The following MARCHF5 variants were observed in gnomAD, a reference collection of about 807,000 sequenced individuals.
The protein encoded by MARCHF5 is membrane associated ring-CH-type finger 5, also known as E3 ubiquitin-protein ligase MARCHF5.
Under a neutral mutation model 36.5 loss-of-function variants are expected in MARCHF5, and 5 were observed. The observed-to-expected ratio is 0.14, with a 90% confidence interval of 0.07 to 0.29. The LOEUF (loss-of-function observed/expected upper bound fraction) is 0.29. Among genes scored for constraint, MARCHF5 ranks in the 10% least tolerant of loss-of-function variants. MARCHF5 has a pLI of 1.00. For synonymous variants in MARCHF5, 103 were observed against 109.9 expected, an observed-to-expected ratio of 0.94 and a Z score of 0.39; for missense variants, 179 against 336.3, an observed-to-expected ratio of 0.53 and a Z score of 3.66.
intron 2 of MARCHF5, among the ~76,000 whole-genome samples, chr10:92,328,229 T>A (rs1843389815): frequency 6.7e-6 from 1 of 150,314 alleles, no homozygotes; most frequent in East Asian, 2.1e-4. Context: ...CAGAATCTTA[T>A]CCAAGATACC....
intron 2 of MARCHF5, 124 bp from the exon 3 acceptor site, chr10:92,340,549 A>G: frequency 1.1e-6 from 1 of 879,190 alleles, no homozygotes; most frequent in Non-Finnish European, 1.7e-6. Flanking sequence ...TATAATCTGG[A>G]TGACAAAGTG....
intron 1 of MARCHF5, among the ~76,000 whole-genome samples, chr10:92,295,152 T>C (rs1842932602): frequency 6.6e-6 from 1 of 152,112 alleles, no homozygotes; most frequent in East Asian, 1.9e-4. Context: ...TGGTATATAG[T>C]GGTGAATTGA....
At chr10:92,322,682 C>T (rs985152072) in intron 2 of MARCHF5, among the ~76,000 whole-genome samples, 2 of 150,610 alleles carry the variant, frequency 1.3e-5, no homozygotes, top group African/African-American at 4.9e-5. Flanking sequence ...CTCCTGAGCT[C>T]AAGTAATCAG....
intron 5 of MARCHF5, 97 bp from the exon 6 acceptor site, chr10:92,350,994 C>A: frequency 1.5e-6 from 1 of 683,198 alleles, no homozygotes. Context: ...AGTTTAGCAT[C>A]AAAGCCTACG....
chr10:92,344,931 C>G (rs1843623681), intron 3 of MARCHF5, among the ~76,000 whole-genome samples: 1 of 152,012 alleles, frequency 6.6e-6, no homozygotes, highest in African/African-American at 2.4e-5. Flanking sequence ...ATAAATTATT[C>G]CTAGTTTACT....
chr10:92,300,891 CTTTTT>C (rs370507190), intron 1 of MARCHF5, among the ~76,000 whole-genome samples: 1 of 127,756 alleles, frequency 7.8e-6, no homozygotes. Context: ...CCTCCTAATT[CTTTTT>C]TTTTTTTTTT....
intron 2 of MARCHF5, among the ~76,000 whole-genome samples, chr10:92,338,063 A>G (rs1843526342): frequency 6.6e-6 from 1 of 151,806 alleles, no homozygotes; most frequent in Non-Finnish European, 1.5e-5. Flanking sequence ...GGTGGCGCAC[A>G]TCTGTGGTCC....
At chr10:92,323,304 G>C (rs919906772) in intron 2 of MARCHF5, among the ~76,000 whole-genome samples, 9 of 152,104 alleles carry the variant, frequency 5.9e-5, no homozygotes, top group Admixed American at 2.0e-4. Flanking sequence ...CACACACACA[G>C]AGTGCTGACT....
At chr10:92,310,038 T>C (rs1304814122) in intron 1 of MARCHF5, among the ~76,000 whole-genome samples, 1 of 152,130 alleles carries the variant, frequency 6.6e-6, no homozygotes, top group African/African-American at 2.4e-5. Context: ...TCAGTTCAAC[T>C]TTTTTTCTGT....
intron 2 of MARCHF5, among the ~76,000 whole-genome samples, chr10:92,339,038 C>CT (rs1273042495): frequency 8.7e-6 from 1 of 115,592 alleles, no homozygotes; most frequent in Non-Finnish European, 1.8e-5. Context: ...AAGCAAAACT[C>CT]TGTCTCAAAA....
At chr10:92,336,941 G>T (rs1413315375) in intron 2 of MARCHF5, among the ~76,000 whole-genome samples, 1 of 151,994 alleles carries the variant, frequency 6.6e-6, no homozygotes, top group Non-Finnish European at 1.5e-5. Context: ...TAGGCAACGT[G>T]GCAAAACCTC....
chr10:92,323,950 T>C (rs562830163), intron 2 of MARCHF5, among the ~76,000 whole-genome samples: 33 of 152,332 alleles, frequency 2.2e-4, no homozygotes, highest in African/African-American at 7.5e-4. Context: ...ATGATACAAG[T>C]ATGTTTAGTT....
chr10:92,340,078 G>A (rs1282650072), intron 2 of MARCHF5, among the ~76,000 whole-genome samples: 1 of 152,170 alleles, frequency 6.6e-6, no homozygotes, highest in Non-Finnish European at 1.5e-5. Context: ...AGTGAGTGAA[G>A]TCAGAGAAAT....
intron 2 of MARCHF5, among the ~76,000 whole-genome samples, chr10:92,333,911 CG>C (rs1483485502): frequency 2.0e-5 from 3 of 151,970 alleles, no homozygotes; most frequent in Non-Finnish European, 4.4e-5. Context: ...ATTTGAGGGC[CG>C]GGTGCAGTGC....
chr10:92,349,577 T>C, intron 4 of MARCHF5, 45 bp downstream of exon 4: 1 of 1,598,152 alleles, frequency 6.3e-7, no homozygotes. Context: ...CAAATTGATC[T>C]TGAAGAACAA....
In MARCHF5 at chr10:92,291,472, C is replaced by A. The variant is rs1223561362; in HGVS notation, c.-23C>A. 1 of 1,542,304 alleles carries A rather than the reference C, an allele frequency of 6.5e-7. No individual in the cohort carries two copies. The highest frequency in any genetic ancestry group is 2.0e-5 in the Admixed American group (1 of 50,960). On this transcript the variant is annotated 5_prime_UTR_variant, in exon 1 of 6. Coordinates refer to ENST00000358935, the MANE Select transcript of MARCHF5 (RefSeq NM_017824.5). ...CTTGAGCGGGTCCACTGGGGAAGGC[C>A]GTGTGCGCCGGCTCCGCGGAAGATG...
At chr10:92,329,524 GT>G (rs1350408920) in intron 2 of MARCHF5, among the ~76,000 whole-genome samples, 3 of 152,074 alleles carry the variant, frequency 2.0e-5, no homozygotes, top group Non-Finnish European at 4.4e-5. Context: ...ACTCCCCATT[GT>G]TTTTCCTCTA....
chr10:92,313,621 G>A (rs1446869753), intron 2 of MARCHF5, among the ~76,000 whole-genome samples: 1 of 151,856 alleles, frequency 6.6e-6, no homozygotes, highest in Non-Finnish European at 1.5e-5. Context: ...AAAAATTGTG[G>A]CGGGTCACAG....
Position 92,353,408 on chromosome 10 carries a change from G to T in MARCHF5, c.*2201G>T, listed in dbSNP as rs961215883. 1.3e-5 allele frequency: 2 copies of T among 152,120 alleles called. No homozygotes were observed. Among genetic ancestry groups the T allele is most frequent in the Admixed American group, 6.6e-5 (1 of 15,256 alleles). The allele number at this position is 152,120 out of a possible 1,614,324, so 9.4% of individuals were successfully genotyped here. ...TAAAGGATTTGACTTTCTCTCAACT[G>T]CAGTTTTCTTAATCTTTGAAATGCA... On this transcript the variant is annotated 3_prime_UTR_variant, in exon 6 of 6. Coordinates refer to ENST00000358935, the MANE Select transcript of MARCHF5 (RefSeq NM_017824.5).
Sources: allele counts gnomAD v4.1 joint callset (sites outside exome capture counted in the v4.1 genomes callset), GRCh38; gene constraint gnomAD v4.1.1; transcripts MANE v1.5; gene names NCBI Gene and HGNC (gene_info 2026-07-23, HGNC 2026-07-21).